The following VAT1L variants were observed in gnomAD, a reference collection of about 807,000 sequenced individuals.
The protein encoded by VAT1L is putative NADPH-dependent quinone oxidoreductase VAT1L.
Under a neutral mutation model 44.1 loss-of-function variants are expected in VAT1L, and 34 were observed. That is an observed-to-expected ratio of 0.77 (90% CI 0.59 to 1.03). The LOEUF is 1.03. Among genes scored for constraint, VAT1L ranks in the 50% least tolerant of loss-of-function variants. The probability of loss-of-function intolerance (pLI) is 0.00; values close to 1 mark genes in which losing one functional copy is unlikely to be tolerated. For missense variants in VAT1L, 615 were observed against 538.8 expected (o/e 1.14, Z -1.40); for synonymous variants, 253 against 202.2 (o/e 1.25, Z -2.13).
chr16:77,908,825 C>A (rs899530017), intron 7 of VAT1L, among the ~76,000 whole-genome samples: 4 of 151,486 alleles, frequency 2.6e-5, no homozygotes, highest in South Asian at 2.1e-4. Flanking sequence ...GAGGCAGGAG[C>A]ACGGCGTGAA....
intron 7 of VAT1L, among the ~76,000 whole-genome samples, chr16:77,921,446 A>G (rs2017610976): frequency 6.6e-6 from 1 of 152,184 alleles, no homozygotes. Context: ...CCAGTGGGAG[A>G]GAAAACTATT....
At chr16:77,903,681 G>T (rs17775020) in intron 7 of VAT1L, among the ~76,000 whole-genome samples, 14,163 of 150,384 alleles carry the variant, frequency 0.094, 717 homozygotes, top group South Asian at 0.17. Context: ...TCAATGCCAC[G>T]TGATTTTAAA....
chr16:77,958,500 C>T (rs1273287677), intron 7 of VAT1L, among the ~76,000 whole-genome samples: 1 of 152,208 alleles, frequency 6.6e-6, no homozygotes, highest in Non-Finnish European at 1.5e-5. Flanking sequence ...TGAGTGTCCA[C>T]TTCAGTTCTA....
At chr16:77,946,365 G>C (rs2017966641) in intron 7 of VAT1L, among the ~76,000 whole-genome samples, 1 of 128,814 alleles carries the variant, frequency 7.8e-6, no homozygotes, top group Non-Finnish European at 1.6e-5. Flanking sequence ...CTCACTGCAA[G>C]TTCCGCCTCC....
intron 8 of VAT1L, among the ~76,000 whole-genome samples, chr16:77,974,689 A>C (rs2018316412): frequency 6.6e-6 from 1 of 152,090 alleles, no homozygotes; most frequent in African/African-American, 2.4e-5. Flanking sequence ...CAGTCTCCTG[A>C]GTAGCTGGAA....
chr16:77,812,643 C>T (rs2016285793), intron 1 of VAT1L, among the ~76,000 whole-genome samples: 1 of 152,170 alleles, frequency 6.6e-6, no homozygotes, highest in Non-Finnish European at 1.5e-5. Context: ...TGTATGAAAG[C>T]ACATGGTAAA....
intron 7 of VAT1L, among the ~76,000 whole-genome samples, chr16:77,936,583 C>T (rs1447680909): frequency 6.6e-6 from 1 of 151,544 alleles, no homozygotes; most frequent in East Asian, 1.9e-4. Context: ...ATTTACTCGG[C>T]AAAAAGGAAA....
chr16:77,804,379 C>T (rs2016117964), intron 1 of VAT1L, among the ~76,000 whole-genome samples: 1 of 152,092 alleles, frequency 6.6e-6, no homozygotes, highest in Non-Finnish European at 1.5e-5. Flanking sequence ...CCCTTTCGGA[C>T]CTGGCTTTTC....
intron 6 of VAT1L, among the ~76,000 whole-genome samples, chr16:77,881,238 C>G (rs906225377): frequency 6.6e-6 from 1 of 152,200 alleles, no homozygotes; most frequent in Admixed American, 6.5e-5. Flanking sequence ...TGTGCCAGTG[C>G]AGCGTCAATT....
At chr16:77,929,275 G>A (rs578198619) in intron 7 of VAT1L, among the ~76,000 whole-genome samples, 4 of 152,188 alleles carry the variant, frequency 2.6e-5, no homozygotes, top group South Asian at 4.2e-4. Flanking sequence ...CCTGAACAGC[G>A]GGATACTCTC....
In VAT1L at chr16:77,876,415, G is replaced by A. The variant is rs1427765472; in HGVS notation, c.768G>A (p.Gly256=). 6.2e-7 allele frequency: 1 copy of A among 1,613,938 alleles called. No homozygotes were observed. The highest frequency in any genetic ancestry group is 1.3e-5 in the African/African-American group (1 of 74,876). Residue 256 remains glycine, a synonymous_variant, in exon 5 of 9, where the codon GGG becomes GGA. Transcript: ENST00000302536. ...ACATCGTTTTGGATTGCCTCTGTGG[G>A]GACAACACTGGAAAAGGTCTCAGTC... is the stretch of plus-strand genomic sequence containing the variant. ...GVDIVLDCLC[G]DNTGKGLSLL...
intron 3 of VAT1L, among the ~76,000 whole-genome samples, chr16:77,844,883 A>G (rs1166826703): frequency 6.6e-6 from 1 of 152,172 alleles, no homozygotes; most frequent in African/African-American, 2.4e-5. Context: ...TGAAAGGATC[A>G]AGATGCTATC....
chr16:77,857,791 TA>T, intron 3 of VAT1L, among the ~76,000 whole-genome samples: 1 of 150,992 alleles, frequency 6.6e-6, no homozygotes, highest in Admixed American at 6.6e-5. Flanking sequence ...TGTTATATAA[TA>T]ATATAAGTAC....
At chr16:77,826,955 A>T (rs1022951362) in intron 3 of VAT1L, among the ~76,000 whole-genome samples, 1 of 152,168 alleles carries the variant, frequency 6.6e-6, no homozygotes, top group South Asian at 2.1e-4. Context: ...AAAAAGAAAA[A>T]CTTGGCTTTC....
At chr16:77,802,474 G>A (rs2016075974) in intron 1 of VAT1L, among the ~76,000 whole-genome samples, 1 of 152,086 alleles carries the variant, frequency 6.6e-6, no homozygotes, top group Non-Finnish European at 1.5e-5. Context: ...AATTAGCCAG[G>A]TGTGGTGGCA....
chr16:77,806,712 C>G (rs913687628), intron 1 of VAT1L, among the ~76,000 whole-genome samples: 1 of 152,146 alleles, frequency 6.6e-6, no homozygotes, highest in Admixed American at 6.5e-5. Flanking sequence ...CTAAACATTA[C>G]TTTTATCATA....
intron 7 of VAT1L, among the ~76,000 whole-genome samples, chr16:77,945,903 G>A (rs754525020): frequency 1.3e-5 from 2 of 151,422 alleles, no homozygotes; most frequent in Non-Finnish European, 2.9e-5. Flanking sequence ...CCCGGTTCAA[G>A]TGATTCTCCT....
At chr16:77,911,053 A>G (rs2017494834) in intron 7 of VAT1L, among the ~76,000 whole-genome samples, 1 of 152,198 alleles carries the variant, frequency 6.6e-6, no homozygotes, top group Non-Finnish European at 1.5e-5. Context: ...GCAAACATTT[A>G]CTATCATCCC....
At chr16:77,889,340 G>T (rs2017239984) in intron 7 of VAT1L, among the ~76,000 whole-genome samples, 1 of 152,094 alleles carries the variant, frequency 6.6e-6, no homozygotes, top group African/African-American at 2.4e-5. Flanking sequence ...TGCAGCCTCG[G>T]GTTTGCTTCC....
Sources: allele counts gnomAD v4.1 joint callset (sites outside exome capture counted in the v4.1 genomes callset), GRCh38; gene constraint gnomAD v4.1.1; transcripts MANE v1.5; gene names NCBI Gene and HGNC (gene_info 2026-07-23, HGNC 2026-07-21).